The following ADCY3 variants were observed in gnomAD, a reference collection of about 807,000 sequenced individuals.
The protein encoded by ADCY3 is adenylate cyclase type 3.
ADCY3 carries 70 observed loss-of-function variants against 119.4 expected under a neutral mutation model. The observed-to-expected ratio is 0.59, with a 90% confidence interval of 0.48 to 0.72. ADCY3 has a LOEUF of 0.72. Among genes scored for constraint, ADCY3 ranks in the 30% least tolerant of loss-of-function variants. ADCY3 has a pLI of 0.00. For missense variants in ADCY3, 1,238 were observed against 1,541.6 expected (o/e 0.80, Z 3.30); for synonymous variants, 672 against 621.4 (o/e 1.08, Z -1.21).
chr2:24,884,371 G>C (rs1676759556), intron 2 of ADCY3, among the ~76,000 whole-genome samples: 1 of 151,938 alleles, frequency 6.6e-6, no homozygotes, highest in Non-Finnish European at 1.5e-5. Context: ...AGCCTTCCTG[G>C]GTCTTTAAAC....
intron 12 of ADCY3, among the ~76,000 whole-genome samples, 164 bp from the exon 13 acceptor site, chr2:24,830,989 G>A (rs1669413433): frequency 6.6e-6 from 1 of 152,194 alleles, no homozygotes; most frequent in Non-Finnish European, 1.5e-5. Flanking sequence ...GAGCTGAGAA[G>A]AGGGCGTGGG....
chr2:24,875,965 A>C (rs574977890), intron 2 of ADCY3, among the ~76,000 whole-genome samples: 1 of 146,630 alleles, frequency 6.8e-6, no homozygotes, highest in East Asian at 2.0e-4. Flanking sequence ...CTTTTCCCAG[A>C]AAGGAGTGTG....
intron 2 of ADCY3, among the ~76,000 whole-genome samples, chr2:24,905,895 G>A (rs758102699): frequency 7.2e-5 from 11 of 152,172 alleles, no homozygotes; most frequent in Non-Finnish European, 1.0e-4. Flanking sequence ...GGTTCAAGTC[G>A]AATGACTGTG....
intron 3 of ADCY3, among the ~76,000 whole-genome samples, chr2:24,864,093 CCTGT>C (rs762599929): frequency 6.6e-6 from 1 of 152,154 alleles, no homozygotes; most frequent in African/African-American, 2.4e-5. Context: ...TCGAGACTAG[CCTGT>C]CTAACATGGT....
rs1315747385 is a variant in ADCY3, at chr2:24,919,468, C to G, written c.-198+215G>C. ...TCTCTTCTTTCTCAGTCCCCGACTTCCTCACCTAAATTCCCTCCAGGCCCA... is the reference window on the plus strand; with the variant it reads ...TCTCTTCTTTCTCAGTCCCCGACTTGCTCACCTAAATTCCCTCCAGGCCCA... On this transcript the variant is annotated intron_variant, in intron 1 of 21. Coordinates refer to ENST00000679454, the MANE Select transcript of ADCY3 (RefSeq NM_004036.5). This position sits in a 1 kb window ranked among gnomAD's most constrained non-coding sequence, Gnocchi z 5.5. 6.2e-6 allele frequency: 1 copy of G among 160,708 alleles called. No individual in the cohort carries two copies. The highest frequency in any genetic ancestry group is 2.4e-5 in the African/African-American group (1 of 41,552). The allele number at this position is 160,708 out of a possible 1,614,324, so 10.0% of individuals were successfully genotyped here.
chr2:24,915,172 C>G (rs1664296924), intron 2 of ADCY3, among the ~76,000 whole-genome samples: 1 of 152,202 alleles, frequency 6.6e-6, no homozygotes, highest in African/African-American at 2.4e-5. Context: ...CTCACAAGAA[C>G]CCAGAAATCC....
intron 2 of ADCY3, among the ~76,000 whole-genome samples, chr2:24,914,470 C>T (rs1231920181): frequency 3.3e-5 from 5 of 152,034 alleles, no homozygotes; most frequent in Non-Finnish European, 5.9e-5. Context: ...GTCAGGAGTT[C>T]GAGGCCAGCC....
intron 3 of ADCY3, among the ~76,000 whole-genome samples, chr2:24,856,324 A>C (rs1436588632): frequency 6.6e-6 from 1 of 152,226 alleles, no homozygotes; most frequent in Non-Finnish European, 1.5e-5. Context: ...ATGTGTGTTC[A>C]TGTGTTCTAA....
At chr2:24,871,183 G>A (rs1193426636) in intron 3 of ADCY3, among the ~76,000 whole-genome samples, 2 of 151,546 alleles carry the variant, frequency 1.3e-5, no homozygotes, top group Non-Finnish European at 2.9e-5. Context: ...TCCACAGTGC[G>A]AGATCAGATA....
intron 3 of ADCY3, among the ~76,000 whole-genome samples, chr2:24,853,238 G>A (rs927684030): frequency 2.6e-5 from 4 of 152,068 alleles, no homozygotes; most frequent in African/African-American, 4.8e-5. Context: ...AAATGGCTGC[G>A]CGCCTCAGGA....
chr2:24,828,660 G>C (rs1668967815), intron 13 of ADCY3, among the ~76,000 whole-genome samples: 1 of 152,236 alleles, frequency 6.6e-6, no homozygotes, highest in African/African-American at 2.4e-5. Context: ...CTACTGGGCA[G>C]ATGCGGCCGG....
chr2:24,820,745 C>G lies in ADCY3; in HGVS notation c.3231G>C (p.Thr1077=). ...ATACCTGAATGTTGCCCATGACCCCCGTGGACTCCATCCTGCTGGCTACAT... is the reference window on the plus strand; with the variant it reads ...ATACCTGAATGTTGCCCATGACCCCGGTGGACTCCATCCTGCTGGCTACAT... ...TVNVASRMES[T]GVMGNIQVVE... is the part of the protein sequence containing the mutation. Residue 1077 remains threonine, a synonymous_variant, in exon 21 of 22, where the codon ACG becomes ACC. Coordinates refer to ENST00000679454, the MANE Select transcript of ADCY3 (RefSeq NM_004036.5). 1 of 1,614,096 alleles carries G rather than the reference C, an allele frequency of 6.2e-7. No individual in the cohort carries two copies. The highest frequency in any genetic ancestry group is 8.5e-7 in the Non-Finnish European group (1 of 1,179,990).
intron 2 of ADCY3, among the ~76,000 whole-genome samples, chr2:24,884,954 G>C (rs144706273): frequency 1.6e-4 from 25 of 152,260 alleles, no homozygotes; most frequent in African/African-American, 5.8e-4. Context: ...TCAGTTCCCT[G>C]GTTTTCAATT....
chr2:24,912,883 C>G (rs932235631), intron 2 of ADCY3, among the ~76,000 whole-genome samples: 1 of 152,124 alleles, frequency 6.6e-6, no homozygotes, highest in Non-Finnish European at 1.5e-5. Context: ...CAGAAAGCTG[C>G]GACAGGGAAA....
At chr2:24,894,040 T>C (rs369496373) in intron 2 of ADCY3, among the ~76,000 whole-genome samples, 1 of 152,240 alleles carries the variant, frequency 6.6e-6, no homozygotes, top group East Asian at 1.9e-4. Flanking sequence ...TTGCCATCTT[T>C]TGAATGATTT....
rs1444902336 is a variant in ADCY3, at chr2:24,872,720, C to G, written c.676-1G>C. 3 of 1,613,666 alleles carry G rather than the reference C, an allele frequency of 1.9e-6. No individual in the cohort carries two copies. Among genetic ancestry groups the G allele is most frequent in the Non-Finnish European group, 2.5e-6 (3 of 1,179,718 alleles). Reference sequence around the variant, plus strand: ...GGTAGAGGAAGACGTTGGCCAGGATCTGCACCCCAAGGAAGAAGAGAGAAA... The same window carrying G: ...GGTAGAGGAAGACGTTGGCCAGGATGTGCACCCCAAGGAAGAAGAGAGAAA... On this transcript the variant is annotated splice_acceptor_variant, in intron 2 of 21. Transcript: ENST00000679454. LOFTEE classifies it high-confidence loss of function. The surrounding 1 kb of genome is among the most constrained non-coding windows in gnomAD (Gnocchi z 4.4).
At chr2:24,823,380 C>G (rs549761443) in intron 17 of ADCY3, 25 bp from the exon 18 acceptor site, 2 of 1,607,220 alleles carry the variant, frequency 1.2e-6, no homozygotes, top group South Asian at 1.1e-5. Flanking sequence ...GGACAACGTG[C>G]TCAAAGCATG....
chr2:24,871,434 T>C (rs1266680087), intron 3 of ADCY3, among the ~76,000 whole-genome samples: 2 of 152,110 alleles, frequency 1.3e-5, no homozygotes, highest in Non-Finnish European at 1.5e-5. Context: ...AGGAATGAGA[T>C]TGGTAAACGG....
intron 19 of ADCY3, 59 bp from the exon 20 acceptor site, chr2:24,821,699 G>A: frequency 6.3e-7 from 1 of 1,589,222 alleles, no homozygotes. Flanking sequence ...AGCCTGCTCT[G>A]CTGCCTTCCC....
Sources: gnomAD v4.1 joint callset for allele counts (sites outside exome capture counted in the v4.1 genomes callset) on GRCh38, gnomAD v4.1.1 for gene constraint, Gnocchi (gnomAD v3.1) non-coding constraint, MANE v1.5 for transcripts, NCBI Gene and HGNC (gene_info 2026-07-23, HGNC 2026-07-21) for gene names.